TMEM45A: variants seen among roughly 807,000 people sequenced by gnomAD.
The protein encoded by TMEM45A is DNA polymerase-transactivated protein 4.
A neutral mutation model predicts 32.0 loss-of-function variants in TMEM45A; 25 were observed. That is an observed-to-expected ratio of 0.78 (90% CI 0.57 to 1.09). The LOEUF is 1.09. Among genes scored for constraint, TMEM45A ranks in the 50% least tolerant of loss-of-function variants. The pLI is 0.00. For synonymous variants in TMEM45A, 122 were observed against 114.8 expected (o/e 1.06, Z -0.40); for missense variants, 302 against 325.0 (o/e 0.93, Z 0.54).
At chr3:100,562,748 A>G (rs1247074741) in intron 4 of TMEM45A, among the ~76,000 whole-genome samples, 1 of 152,224 alleles carries the variant, frequency 6.6e-6, no homozygotes, top group African/African-American at 2.4e-5. Flanking sequence ...CCCCAACTGT[A>G]AAATAGAAAT....
intron 1 of TMEM45A, chr3:100,519,400 T>A: frequency 3.1e-6 from 2 of 635,462 alleles, no homozygotes; most frequent in Non-Finnish European, 5.6e-6. Context: ...TGTGTGTGTG[T>A]GTGTGTGTGT....
rs1446662864 is a variant in TMEM45A at position 100,576,964 on chromosome 3, A to T, written c.774A>T (p.Glu258Asp). 6.2e-7 allele frequency: 1 copy of T among 1,613,748 alleles called. No homozygotes were observed. The highest frequency in any genetic ancestry group is 1.1e-5 in the South Asian group (1 of 91,058). Reference sequence around the variant, plus strand: ...GACTTAAGAGGCTCTGCTCCTCAGAAGTTGGACTTCTGAAAAATGCTGAAC... The same window carrying T: ...GACTTAAGAGGCTCTGCTCCTCAGATGTTGGACTTCTGAAAAATGCTGAAC... ...KSRLKRLCSS[E>D]VGLLKNAERE... Residue 258 changes from glutamate (E) to aspartate (D), a missense_variant, in exon 6 of 6, where the codon GAA becomes GAT. Coordinates refer to ENST00000323523, the MANE Select transcript of TMEM45A (RefSeq NM_018004.3).
chr3:100,499,652 G>A (rs1239691152), intron 1 of TMEM45A, among the ~76,000 whole-genome samples: 7 of 152,166 alleles, frequency 4.6e-5, no homozygotes, highest in African/African-American at 7.2e-5. Flanking sequence ...TGAGGTGGGT[G>A]GATCACTTGA....
Position 100,516,225 on chromosome 3 carries a change from A to G in TMEM45A, c.-4+23297A>G, listed in dbSNP as rs1708260016. Among the ~76,000 whole-genome samples, 7 of 152,218 alleles carry G rather than the reference A, an allele frequency of 4.6e-5. No homozygotes were observed. The South Asian group carries it at 1.4e-3, about 31-fold the overall frequency. On this transcript the variant is annotated intron_variant, in intron 1 of 5. Coordinates refer to ENST00000323523, the MANE Select transcript of TMEM45A (RefSeq NM_018004.3). Reference sequence around the variant, plus strand: ...CTGCCATACTCCTGGACATGATAGTAGGAAGTCTCAATCAAGGGCAAGATT... The same window carrying G: ...CTGCCATACTCCTGGACATGATAGTGGGAAGTCTCAATCAAGGGCAAGATT...
intron 1 of TMEM45A, among the ~76,000 whole-genome samples, chr3:100,522,416 C>T (rs1471855095): frequency 1.3e-5 from 2 of 152,224 alleles, no homozygotes; most frequent in East Asian, 1.9e-4. Context: ...GTTCCATCCT[C>T]CTTCTGAATT....
At position 100,505,744 on chromosome 3, in the gene TMEM45A, A is replaced by T. The variant is rs545369400; in HGVS notation, c.-4+12816A>T. 7.9e-5 allele frequency among the ~76,000 whole-genome samples: 12 copies of T among 152,328 alleles called. No homozygotes were observed. The South Asian group carries it at 1.7e-3, about 21-fold the overall frequency. ...GTCAGATAAAATACATGAAATAATG[A>T]TTTTTGAAACACCAGTCATCAGGTG... On this transcript the variant is annotated intron_variant, in intron 1 of 5. Coordinates refer to ENST00000323523, the MANE Select transcript of TMEM45A (RefSeq NM_018004.3).
At chr3:100,569,906 T>C (rs1461697999) in intron 5 of TMEM45A, among the ~76,000 whole-genome samples, 1 of 152,116 alleles carries the variant, frequency 6.6e-6, no homozygotes, top group Non-Finnish European at 1.5e-5. Context: ...CTCTTTACAA[T>C]TGAGAATGAA....
Position 100,577,045 on chromosome 3 carries a change from A to G in TMEM45A, c.*27A>G. ...TTTGATGAGCTTCCAGTTTTTCTAG[A>G]TAAACCTTTTCTTTTTTACATTGTT... is the stretch of plus-strand genomic sequence containing the variant. On this transcript the variant is annotated 3_prime_UTR_variant, in exon 6 of 6. Transcript: ENST00000323523. 1.3e-6 allele frequency: 2 copies of G among 1,568,168 alleles called. No homozygotes were observed. Among genetic ancestry groups the G allele is most frequent in the African/African-American group, 1.4e-5 (1 of 72,372 alleles).
rs542252511 is a variant in TMEM45A, at chr3:100,564,738, C to A, written c.589-4084C>A. 9.2e-5 allele frequency among the ~76,000 whole-genome samples: 14 copies of A among 152,278 alleles called. No individual in the cohort carries two copies. The South Asian group carries it at 2.9e-3, about 32-fold the overall frequency. On this transcript the variant is annotated intron_variant, in intron 4 of 5. Coordinates refer to ENST00000323523, the MANE Select transcript of TMEM45A (RefSeq NM_018004.3). ...ACTTCAGCTGATCCACCTGCCTTGG[C>A]CTCCCAAAGTGCTGGGATTACAGGC...
chr3:100,499,964 T>C (rs1457767760), intron 1 of TMEM45A, among the ~76,000 whole-genome samples: 2 of 152,058 alleles, frequency 1.3e-5, no homozygotes, highest in African/African-American at 4.8e-5. Flanking sequence ...CTGATAGCTA[T>C]TTTTTTTAAA....
chr3:100,567,256 G>A (rs894294887), intron 4 of TMEM45A, among the ~76,000 whole-genome samples: 5 of 151,622 alleles, frequency 3.3e-5, no homozygotes, highest in African/African-American at 1.2e-4. Context: ...ACCATTTGTT[G>A]AAGACTGTTC....
At chr3:100,527,288 TGACAA>T (rs1345477787) in intron 1 of TMEM45A, among the ~76,000 whole-genome samples, 6 of 152,230 alleles carry the variant, frequency 3.9e-5, no homozygotes, top group African/African-American at 1.4e-4. Context: ...CAGTATTTGA[TGACAA>T]GACAAGAAAC....
chr3:100,567,231 C>A (rs1396198137), intron 4 of TMEM45A, among the ~76,000 whole-genome samples: 2 of 151,138 alleles, frequency 1.3e-5, no homozygotes, highest in East Asian at 1.9e-4. Flanking sequence ...CATGTGAATA[C>A]CCGGTTATCT....
chr3:100,558,670 G>A (rs7645700), intron 4 of TMEM45A, 81 bp downstream of exon 4: 642,509 of 1,452,474 alleles, frequency 0.44, 147,101 homozygotes, highest in African/African-American at 0.76. Context: ...GTTTGCTCCC[G>A]GAGACTTCCC....
chr3:100,559,703 T>C (rs1706292279), intron 4 of TMEM45A, among the ~76,000 whole-genome samples: 1 of 152,082 alleles, frequency 6.6e-6, no homozygotes, highest in South Asian at 2.1e-4. Context: ...GAAAACATTT[T>C]AAAAGAGATG....
chr3:100,513,365 A>C (rs377179479), intron 1 of TMEM45A, among the ~76,000 whole-genome samples: 8 of 152,042 alleles, frequency 5.3e-5, no homozygotes, highest in South Asian at 2.1e-4. Context: ...ACAGAACCAA[A>C]GACAAAAACC....
At chr3:100,556,255 A>G (rs944042320) in intron 2 of TMEM45A, among the ~76,000 whole-genome samples, 1 of 152,234 alleles carries the variant, frequency 6.6e-6, no homozygotes, top group South Asian at 2.1e-4. Flanking sequence ...TGTTGGGATT[A>G]TAGGTGTGAG....
At chr3:100,560,101 T>G (rs963585462) in intron 4 of TMEM45A, among the ~76,000 whole-genome samples, 3 of 152,298 alleles carry the variant, frequency 2.0e-5, no homozygotes, top group Admixed American at 2.0e-4. Flanking sequence ...TTGTGTTTTT[T>G]TATATATTCT....
At chr3:100,567,942 G>T (rs533363994) in intron 4 of TMEM45A, among the ~76,000 whole-genome samples, 1 of 152,026 alleles carries the variant, frequency 6.6e-6, no homozygotes, top group Non-Finnish European at 1.5e-5. Flanking sequence ...CTGCCACCAT[G>T]CCTGGCTAAT....
Sources: allele counts gnomAD v4.1 joint callset (sites outside exome capture counted in the v4.1 genomes callset), GRCh38; gene constraint gnomAD v4.1.1; transcripts MANE v1.5; gene names NCBI Gene and HGNC (gene_info 2026-07-23, HGNC 2026-07-21).